The following CADM2 variants were observed in gnomAD, a reference collection of about 807,000 sequenced individuals.
The protein encoded by CADM2 is immunoglobulin superfamily member 4D.
In CADM2, 12 loss-of-function variants were observed where a neutral mutation model predicts 49.8. That is an observed-to-expected ratio of 0.24 (90% CI 0.15 to 0.39). The LOEUF is 0.39. Ranked by LOEUF, CADM2 falls within the 10% of genes least tolerant of loss-of-function variation. The probability of loss-of-function intolerance (pLI) is 1.00; values close to 1 mark genes in which losing one functional copy is unlikely to be tolerated. For missense variants in CADM2, 378 were observed against 492.3 expected, an observed-to-expected ratio of 0.77 and a Z score of 2.20; for synonymous variants, 214 against 175.4, an observed-to-expected ratio of 1.22 and a Z score of -1.74.
At chr3:85,523,743 A>G (rs912092978) in intron 1 of CADM2, among the ~76,000 whole-genome samples, 3 of 151,978 alleles carry the variant, frequency 2.0e-5, no homozygotes, top group Non-Finnish European at 2.9e-5. Flanking sequence ...CAATTTTACT[A>G]CTTTCTTTTT....
At chr3:84,988,204 A>C (rs563296658) in intron 1 of CADM2, among the ~76,000 whole-genome samples, 1 of 152,298 alleles carries the variant, frequency 6.6e-6, no homozygotes, top group African/African-American at 2.4e-5. Flanking sequence ...AGAGAGAGGC[A>C]TTTGCTTCTC....
chr3:86,025,632 G>A (rs1432616519), intron 8 of CADM2, among the ~76,000 whole-genome samples: 1 of 152,080 alleles, frequency 6.6e-6, no homozygotes, highest in Non-Finnish European at 1.5e-5. Context: ...CGTATAGTGA[G>A]ATAAGCTGCT....
intron 1 of CADM2, among the ~76,000 whole-genome samples, chr3:85,661,019 T>C (rs2065386466): frequency 6.6e-6 from 1 of 152,132 alleles, no homozygotes; most frequent in Non-Finnish European, 1.5e-5. Context: ...AAATGAGATT[T>C]TAAGAATTCA....
chr3:85,674,931 C>T (rs1234071607), intron 1 of CADM2, among the ~76,000 whole-genome samples: 1 of 152,058 alleles, frequency 6.6e-6, no homozygotes, highest in African/African-American at 2.4e-5. Flanking sequence ...AATTGTGTTT[C>T]AGTTCTCATC....
rs1183356444 is a variant in CADM2, at chr3:84,963,662, A to G, written c.61+3994A>G. On this transcript the variant is annotated intron_variant, in intron 1 of 9. Coordinates refer to ENST00000383699, the MANE Select transcript of CADM2 (RefSeq NM_001167675.2). ...CACAAGCACAATTTAATTTGAATAT[A>G]CATTCAAATTAAATCTCATTGGACG... 2.6e-5 allele frequency among the ~76,000 whole-genome samples: 4 copies of G among 152,328 alleles called. No homozygotes were observed. The East Asian group carries it at 5.8e-4, about 22-fold the overall frequency.
At chr3:85,411,435 T>C (rs2035650848) in intron 1 of CADM2, among the ~76,000 whole-genome samples, 3 of 152,222 alleles carry the variant, frequency 2.0e-5, no homozygotes, top group Admixed American at 6.5e-5. Flanking sequence ...GAAAGTTCAG[T>C]ATACTTTAGT....
chr3:85,676,843 C>T (rs2065899264), intron 1 of CADM2, among the ~76,000 whole-genome samples: 1 of 152,090 alleles, frequency 6.6e-6, no homozygotes, highest in Non-Finnish European at 1.5e-5. Context: ...CCACCATCGC[C>T]TCAACACACA....
At chr3:85,365,187 T>G (rs1281365988) in intron 1 of CADM2, among the ~76,000 whole-genome samples, 5 of 128,654 alleles carry the variant, frequency 3.9e-5, no homozygotes, top group African/African-American at 1.3e-4. Flanking sequence ...GGAGGGTTTT[T>G]TTTTTTTTTT....
chr3:85,398,234 C>G lies in CADM2; in HGVS notation c.62-328288C>G, dbSNP rs977178898. On this transcript the variant is annotated intron_variant, in intron 1 of 9. Transcript: ENST00000383699. Reference sequence around the variant, plus strand: ...AGGGGCTCTCATTGTTCGATTCCCACCTATGAGTGAGAACTTGCAGTGTTT... The same window carrying G: ...AGGGGCTCTCATTGTTCGATTCCCAGCTATGAGTGAGAACTTGCAGTGTTT... 8.5e-5 allele frequency among the ~76,000 whole-genome samples: 13 copies of G among 152,192 alleles called. No homozygotes were observed. The East Asian group carries it at 2.5e-3, about 30-fold the overall frequency.
chr3:85,193,907 G>A (rs959217241), intron 1 of CADM2, among the ~76,000 whole-genome samples: 3 of 152,044 alleles, frequency 2.0e-5, no homozygotes, highest in Non-Finnish European at 2.9e-5. Context: ...GCTGTCGTGC[G>A]GACATGGTCT....
chr3:85,349,097 A>C (rs1456413632), intron 1 of CADM2, among the ~76,000 whole-genome samples: 1 of 152,104 alleles, frequency 6.6e-6, no homozygotes, highest in Non-Finnish European at 1.5e-5. Flanking sequence ...TTATCAAGAC[A>C]TTCTCAATGC....
chr3:85,167,715 C>A (rs981078347), intron 1 of CADM2, among the ~76,000 whole-genome samples: 1 of 152,104 alleles, frequency 6.6e-6, no homozygotes, highest in East Asian at 1.9e-4. Context: ...GCGTTCAGTA[C>A]TATTCAATAC....
At chr3:85,752,230 A>G (rs1366280645) in intron 2 of CADM2, among the ~76,000 whole-genome samples, 2 of 152,076 alleles carry the variant, frequency 1.3e-5, no homozygotes, top group Admixed American at 1.3e-4. Context: ...GCATGATGCA[A>G]CCCTGCTGGG....
intron 1 of CADM2, among the ~76,000 whole-genome samples, chr3:85,674,308 C>T (rs575123520): frequency 6.6e-6 from 1 of 152,170 alleles, no homozygotes; most frequent in South Asian, 2.1e-4. Flanking sequence ...TTTGATGGTC[C>T]TATATTGTGT....
At chr3:85,273,129 C>T (rs750739271) in intron 1 of CADM2, among the ~76,000 whole-genome samples, 4 of 151,028 alleles carry the variant, frequency 2.6e-5, no homozygotes, top group Non-Finnish European at 5.9e-5. Context: ...AAAAGAGAAG[C>T]GGCAGACTCT....
chr3:85,592,057 A>T (rs1169256450), intron 1 of CADM2, among the ~76,000 whole-genome samples: 2 of 152,046 alleles, frequency 1.3e-5, no homozygotes, highest in South Asian at 4.1e-4. Context: ...AATATTATTT[A>T]AAAATAATGT....
intron 3 of CADM2, among the ~76,000 whole-genome samples, chr3:85,856,525 G>A (rs556029570): frequency 1.1e-4 from 17 of 152,030 alleles, no homozygotes; most frequent in Non-Finnish European, 1.9e-4. Flanking sequence ...AAGCATCATA[G>A]GCTATTTAAT....
chr3:85,361,198 G>A (rs917701054), intron 1 of CADM2, among the ~76,000 whole-genome samples: 2 of 152,150 alleles, frequency 1.3e-5, no homozygotes, highest in Non-Finnish European at 2.9e-5. Context: ...GGGAGCACAA[G>A]ACTGCAAGCA....
chr3:85,771,979 T>C (rs2107955978), intron 2 of CADM2, among the ~76,000 whole-genome samples: 1 of 151,286 alleles, frequency 6.6e-6, no homozygotes, highest in South Asian at 2.1e-4. Context: ...TTTCACAAGC[T>C]GCTGTAGTAT....
Sources: gnomAD v4.1 joint callset for allele counts (sites outside exome capture counted in the v4.1 genomes callset) on GRCh38, gnomAD v4.1.1 for gene constraint, MANE v1.5 for transcripts, NCBI Gene and HGNC (gene_info 2026-07-23, HGNC 2026-07-21) for gene names.